Variants in C3 observed in about 807,000 individuals in gnomAD.
C3 encodes complement C3.
Under a neutral mutation model 207.9 loss-of-function variants are expected in C3, and 97 were observed. That is an observed-to-expected ratio of 0.47 (90% CI 0.40 to 0.55). The LOEUF (loss-of-function observed/expected upper bound fraction) is 0.55, where lower values mean the gene tolerates loss of function less well. Among genes scored for constraint, C3 ranks in the 20% least tolerant of loss-of-function variants. The probability of loss-of-function intolerance (pLI) is 0.00; values close to 1 mark genes in which losing one functional copy is unlikely to be tolerated. For synonymous variants in C3, 848 were observed against 857.6 expected, an observed-to-expected ratio of 0.99 and a Z score of 0.20; for missense variants, 1,684 against 2,171.7, an observed-to-expected ratio of 0.78 and a Z score of 4.46.
Position 6,690,552 on chromosome 19 carries a change from C to T in C3, c.3489+77G>A. ...GGGAGAGCTGCAAATTCCCTGAAGG[C>T]AACCTCTCACTCTCCAAGGTGGCTG... On this transcript the variant is annotated intron_variant, in intron 27 of 40. Transcript: ENST00000245907. 5 of 1,145,714 alleles carry T rather than the reference C, an allele frequency of 4.4e-6. No homozygotes were observed. In the South Asian group the frequency reaches 4.9e-5, roughly 11 times the overall value. 71.0% of individuals were successfully genotyped at this position (1,145,714 alleles called of 1,614,324 possible).
chr19:6,710,112 A>G, intron 13 of C3, among the ~76,000 whole-genome samples: 2 of 120,170 alleles, frequency 1.7e-5, no homozygotes, highest in Non-Finnish European at 3.4e-5. Flanking sequence ...AGAGAGGGAG[A>G]GTGAGGGGGG....
Position 6,697,688 on chromosome 19 carries a change from G to C in C3, c.2547C>G (p.Ala849=). 6.2e-7 allele frequency: 1 copy of C among 1,614,110 alleles called. No individual in the cohort carries two copies. Residue 849 remains alanine, a synonymous_variant, in exon 20 of 41, where the codon GCC becomes GCG. Transcript: ENST00000245907. ...VVRNEQVEIR[A]VLYNYRQNQE... ...GGTTCTGCCGGTAATTGTAGAGAAC[G>C]GCTCGGATTTCCACCTGCTCGTTTC...
chr19:6,691,331 G>A (rs1450141192), intron 26 of C3, among the ~76,000 whole-genome samples: 2 of 152,158 alleles, frequency 1.3e-5, no homozygotes, highest in African/African-American at 2.4e-5. Flanking sequence ...GGGATTACAG[G>A]CATGAGCCAC....
chr19:6,708,470 C>T (rs545407264), intron 14 of C3, among the ~76,000 whole-genome samples: 3 of 151,528 alleles, frequency 2.0e-5, no homozygotes, highest in Non-Finnish European at 4.4e-5. Context: ...TTCTTTCTGT[C>T]TTCTTTCTTT....
In C3 at chr19:6,696,433, C is replaced by G. The variant is rs1204670030; in HGVS notation, c.2896G>C (p.Asp966His). The G allele has an allele frequency of 3.1e-6, 5 of 1,613,772 alleles. No homozygotes were observed. The highest frequency in any genetic ancestry group is 4.2e-6 in the Non-Finnish European group (5 of 1,179,892). The change falls in exon 23 of 41, where the codon GAC becomes CAC. Residue 966 changes from aspartate to histidine, a missense_variant. Physicochemically the swap from Asp to His is moderately conservative, Grantham distance 81. Transcript: ENST00000245907. ...GVQKEDIPPA[D>H]LSDQVPDTES... ...GTGTCCGGGACTTGGTCACTGAGGT[C>G]TGCAGGTGGGATGTCCTCTTTCTGC...
intron 35 of C3, among the ~76,000 whole-genome samples, chr19:6,680,702 A>G (rs1917837145): frequency 6.6e-6 from 1 of 152,188 alleles, no homozygotes; most frequent in African/African-American, 2.4e-5. Flanking sequence ...TGTTGTGTTA[A>G]GACCCCATAT....
chr19:6,692,689 T>C (rs1918196560), intron 26 of C3, among the ~76,000 whole-genome samples: 1 of 152,176 alleles, frequency 6.6e-6, no homozygotes, highest in South Asian at 2.1e-4. Context: ...TTCTTAATAA[T>C]TTCTGAGCGA....
intron 14 of C3, 74 bp from the exon 15 acceptor site, chr19:6,708,003 T>G: frequency 6.3e-7 from 1 of 1,578,354 alleles, no homozygotes; most frequent in South Asian, 1.1e-5. Context: ...TATGCACCTG[T>G]GTATCTCTTC....
At chr19:6,712,769 T>C (rs1390194088) in intron 9 of C3, 146 bp from the exon 10 acceptor site, 4 of 737,796 alleles carry the variant, frequency 5.4e-6, no homozygotes, top group Non-Finnish European at 9.6e-6. Flanking sequence ...CCCATCAGAC[T>C]GGACTCCACC....
intron 17 of C3, among the ~76,000 whole-genome samples, chr19:6,704,827 G>A (rs1422057592): frequency 5.3e-5 from 8 of 152,000 alleles, no homozygotes. Flanking sequence ...GAACCCATGA[G>A]GTGGAGGTTG....
intron 28 of C3, 78 bp from the exon 29 acceptor site, chr19:6,686,365 G>A: frequency 6.0e-6 from 9 of 1,503,132 alleles, no homozygotes; most frequent in Non-Finnish European, 8.3e-6. Context: ...CTCAGAAAGA[G>A]ATGCATGCTA....
At chr19:6,681,811 A>G (rs776738013) in intron 35 of C3, 130 bp downstream of exon 35, 70 of 784,268 alleles carry the variant, frequency 8.9e-5, no homozygotes, top group Non-Finnish European at 1.4e-4. Context: ...ACTCAGCAGC[A>G]CAGACCCTGT....
chr19:6,710,333 AAAG>A (rs1488160118), intron 13 of C3, among the ~76,000 whole-genome samples: 2 of 111,428 alleles, frequency 1.8e-5, no homozygotes, highest in Non-Finnish European at 3.7e-5. Context: ...GGGAGAGAGA[AAAG>A]GAGAGAGAGA....
intron 20 of C3, 22 bp downstream of exon 20, chr19:6,697,630 C>G (rs1379192382): frequency 6.2e-7 from 1 of 1,614,046 alleles, no homozygotes; most frequent in Non-Finnish European, 8.5e-7. Flanking sequence ...CTCCAAGAAG[C>G]CTCTGCCACC....
chr19:6,679,575 G>C (rs1289099456), intron 36 of C3, 79 bp from the exon 37 acceptor site: 4 of 959,476 alleles, frequency 4.2e-6, no homozygotes, highest in South Asian at 1.3e-5. Flanking sequence ...CAGATCCCCA[G>C]TTCTCAGTCT....
rs867011523 is a variant in C3, at chr19:6,707,905, C to T, written c.1870G>A (p.Asp624Asn). Residue 624 changes from aspartate to asparagine, a missense_variant, in exon 15 of 41, where the codon GAC becomes AAC. Asp to Asn is a conservative substitution (Grantham distance 23). Coordinates refer to ENST00000245907, the MANE Select transcript of C3 (RefSeq NM_000064.4). The stretch of plus-strand genomic sequence containing the variant: ...CCACTGCCCGGGGTGCAGCCGATGT[C>T]TGCCTTCTCCACCACGTCCCAGATC... Reference protein sequence around the residue: ...SKIWDVVEKADIGCTPGSGKD... With the variant: ...SKIWDVVEKANIGCTPGSGKD... The T allele has an allele frequency of 6.2e-7, 1 of 1,613,878 alleles. No homozygotes were observed. The highest frequency in any genetic ancestry group is 8.5e-7 in the Non-Finnish European group (1 of 1,180,032).
rs11569435 is a variant in C3, at chr19:6,706,910, CT to C, written c.2245+165del. On this transcript the variant is annotated intron_variant, in intron 17 of 40. Transcript: ENST00000245907. ...TCCTCAGACAGGGGCCTCCTCCCCC[CT>C]GAGACAGGGACCTCCTGCCCCCTCA... is the stretch of plus-strand genomic sequence containing the variant. Among the ~76,000 whole-genome samples the C allele has an allele frequency of 2.2e-4, 32 of 143,808 alleles. No homozygotes were observed. In the South Asian group the frequency reaches 6.4e-3, roughly 29 times the overall value. The allele number at this position is 143,808 out of a possible 152,430, so 94.3% of individuals were successfully genotyped here.
At chr19:6,684,314 G>T in intron 33 of C3, 74 bp downstream of exon 33, 1 of 1,120,126 alleles carries the variant, frequency 8.9e-7, no homozygotes, top group Non-Finnish European at 1.4e-6. Context: ...TGAATATCAT[G>T]GATATTATTT....
At chr19:6,711,323 T>A (rs934220999) in intron 11 of C3, 127 bp from the exon 12 acceptor site, 86 of 734,236 alleles carry the variant, frequency 1.2e-4, no homozygotes, top group Admixed American at 2.2e-4. Flanking sequence ...AAGTTAGGGA[T>A]CTGGAGATGG....
Sources: gnomAD v4.1 joint callset for allele counts (sites outside exome capture counted in the v4.1 genomes callset) on GRCh38, gnomAD v4.1.1 for gene constraint, MANE v1.5 for transcripts, NCBI Gene and HGNC (gene_info 2026-07-23, HGNC 2026-07-21) for gene names.